Variants in SNTG1 observed in about 807,000 individuals in gnomAD.
SNTG1 encodes the protein gamma-1-syntrophin.
In SNTG1, 39 loss-of-function variants were observed where a neutral mutation model predicts 74.7. The observed-to-expected ratio is 0.52, with a 90% CI of 0.40 to 0.68. The LOEUF is 0.68. SNTG1 is among the 30% of genes least tolerant of loss of function. The probability of loss-of-function intolerance (pLI) is 0.00; values close to 1 mark genes in which losing one functional copy is unlikely to be tolerated. For missense variants in SNTG1, 685 were observed against 609.5 expected (o/e 1.12, Z -1.30); for synonymous variants, 254 against 217.1 (o/e 1.17, Z -1.49).
chr8:50,782,515 C>A (rs2095662587), intron 18 of SNTG1, among the ~76,000 whole-genome samples: 1 of 152,214 alleles, frequency 6.6e-6, no homozygotes, highest in South Asian at 2.1e-4. Flanking sequence ...GAGGCTTCTG[C>A]ATTCTTCACA....
At chr8:50,470,502 G>A (rs886547299) in intron 8 of SNTG1, among the ~76,000 whole-genome samples, 1 of 152,104 alleles carries the variant, frequency 6.6e-6, no homozygotes, top group African/African-American at 2.4e-5. Flanking sequence ...CAGGAGTGAA[G>A]CCGCAGACCT....
At chr8:50,781,960 A>T (rs1348449092) in intron 18 of SNTG1, among the ~76,000 whole-genome samples, 2 of 152,094 alleles carry the variant, frequency 1.3e-5, no homozygotes, top group African/African-American at 4.8e-5. Flanking sequence ...ACTTTCACTT[A>T]TGAAGCTTAG....
intron 13 of SNTG1, among the ~76,000 whole-genome samples, chr8:50,623,371 T>C (rs2094935943): frequency 6.6e-6 from 1 of 152,156 alleles, no homozygotes; most frequent in East Asian, 1.9e-4. Context: ...AGTTTTTTGA[T>C]TGTCTTTGTC....
chr8:50,510,203 A>G (rs1483698489), intron 9 of SNTG1, among the ~76,000 whole-genome samples: 1 of 152,136 alleles, frequency 6.6e-6, no homozygotes, highest in Non-Finnish European at 1.5e-5. Flanking sequence ...TTCTGTTTAT[A>G]TGCTGGATTA....
chr8:50,629,867 T>A (rs761975783), intron 13 of SNTG1, among the ~76,000 whole-genome samples: 3 of 152,268 alleles, frequency 2.0e-5, no homozygotes, highest in Non-Finnish European at 2.9e-5. Context: ...GGACGACCAA[T>A]TGTCTGATGA....
chr8:50,629,534 G>A (rs181544294), intron 13 of SNTG1, among the ~76,000 whole-genome samples: 1 of 151,884 alleles, frequency 6.6e-6, no homozygotes, highest in Non-Finnish European at 1.5e-5. Flanking sequence ...ACAGAATTCT[G>A]TTAAGATACA....
intron 1 of SNTG1, among the ~76,000 whole-genome samples, chr8:50,071,885 A>T (rs937082006): frequency 5.3e-5 from 8 of 151,966 alleles, no homozygotes; most frequent in African/African-American, 1.9e-4. Context: ...TTGCCATCCA[A>T]TAGAGATAAG....
chr8:50,497,811 C>T (rs902915073), intron 8 of SNTG1, among the ~76,000 whole-genome samples: 37 of 152,028 alleles, frequency 2.4e-4, no homozygotes, highest in African/African-American at 8.4e-4. Context: ...TGCTTTGTGG[C>T]GCTATACATT....
intron 1 of SNTG1, among the ~76,000 whole-genome samples, chr8:50,166,952 A>G (rs1188166027): frequency 2.0e-5 from 3 of 148,614 alleles, no homozygotes; most frequent in Non-Finnish European, 4.4e-5. Flanking sequence ...ATAAAAAATG[A>G]TGAGTTCATG....
In SNTG1 at chr8:50,366,960, C is replaced by A. The variant is rs187240886; in HGVS notation, c.-27-27252C>A. ...TATAATATAGTATACTATAAGGACGCAAATAGTAAGGAGTAGTAAAATACA... is the reference window on the plus strand; with the variant it reads ...TATAATATAGTATACTATAAGGACGAAAATAGTAAGGAGTAGTAAAATACA... On this transcript the variant is annotated intron_variant, in intron 2 of 18. Transcript: ENST00000642720. Among the ~76,000 whole-genome samples the A allele has an allele frequency of 9.6e-3, 1,424 of 147,824 alleles. 7 individuals are homozygous for A. Among genetic ancestry groups the A allele is most frequent in the Non-Finnish European group, 0.014 (926 of 67,002 alleles).
rs183769192 is a variant in SNTG1 at position 50,143,103 on chromosome 8, A to T, written c.-102-29458A>T. On this transcript the variant is annotated intron_variant, in intron 1 of 18. Coordinates refer to ENST00000642720, the MANE Select transcript of SNTG1 (RefSeq NM_018967.5). ...TAAATAAATAAATAAATAAATAAAAATAAAAAATAAATAAAGTCCATAGTG... is the reference window on the plus strand; with the variant it reads ...TAAATAAATAAATAAATAAATAAAATTAAAAAATAAATAAAGTCCATAGTG... Among the ~76,000 whole-genome samples, 259 of 152,112 alleles carry T rather than the reference A, an allele frequency of 1.7e-3. 1 individual carries two copies. The highest frequency in any genetic ancestry group is 8.1e-3 in the East Asian group (42 of 5,176).
chr8:50,156,556 T>C (rs1168774641), intron 1 of SNTG1, among the ~76,000 whole-genome samples: 1 of 152,088 alleles, frequency 6.6e-6, no homozygotes, highest in Non-Finnish European at 1.5e-5. Context: ...TAGTTATATA[T>C]GTATTACTGT....
At chr8:50,354,784 C>T (rs1485074575) in intron 2 of SNTG1, among the ~76,000 whole-genome samples, 1 of 152,114 alleles carries the variant, frequency 6.6e-6, no homozygotes, top group Non-Finnish European at 1.5e-5. Flanking sequence ...GGTCTTCTTC[C>T]AGGCTCACGT....
chr8:50,327,633 A>C (rs1563902791), intron 2 of SNTG1, among the ~76,000 whole-genome samples: 1 of 152,278 alleles, frequency 6.6e-6, no homozygotes, highest in East Asian at 1.9e-4. Flanking sequence ...TTTAATTGGT[A>C]TGTTTAGACC....
At chr8:50,205,887 G>C (rs555725642) in intron 2 of SNTG1, among the ~76,000 whole-genome samples, 13 of 152,168 alleles carry the variant, frequency 8.5e-5, no homozygotes, top group African/African-American at 2.9e-4. Context: ...TAGATGTGTG[G>C]TATTATTCCT....
chr8:50,750,416 G>T (rs2095564656), intron 17 of SNTG1, among the ~76,000 whole-genome samples: 1 of 151,988 alleles, frequency 6.6e-6, no homozygotes, highest in Non-Finnish European at 1.5e-5. Context: ...CATTAATTTA[G>T]TTGATAAACA....
At chr8:50,530,415 G>T (rs2094257370) in intron 10 of SNTG1, among the ~76,000 whole-genome samples, 156 bp downstream of exon 10, 1 of 149,300 alleles carries the variant, frequency 6.7e-6, no homozygotes, top group East Asian at 2.0e-4. Flanking sequence ...AAATAGATCA[G>T]GTTTCTTATG....
At chr8:50,031,891 G>A (rs546257439) in intron 1 of SNTG1, among the ~76,000 whole-genome samples, 43 of 152,122 alleles carry the variant, frequency 2.8e-4, no homozygotes, top group African/African-American at 5.1e-4. Context: ...TAGAATTTAC[G>A]TCTTATACAA....
intron 12 of SNTG1, among the ~76,000 whole-genome samples, chr8:50,584,455 A>T (rs1235538565): frequency 6.7e-6 from 1 of 150,094 alleles, no homozygotes; most frequent in Non-Finnish European, 1.5e-5. Flanking sequence ...GATGATTGCC[A>T]TTCTAACTGG....
Sources: allele counts gnomAD v4.1 joint callset (sites outside exome capture counted in the v4.1 genomes callset), GRCh38; gene constraint gnomAD v4.1.1; transcripts MANE v1.5; gene names NCBI Gene and HGNC (gene_info 2026-07-23, HGNC 2026-07-21).